Variants in SDK1 observed in about 807,000 individuals in gnomAD.
SDK1 encodes protein sidekick-1.
Under a neutral mutation model 245.5 loss-of-function variants are expected in SDK1, and 157 were observed. That is an observed-to-expected ratio of 0.64 (90% confidence interval 0.56 to 0.73). SDK1 has a LOEUF of 0.73. Ranked by LOEUF, SDK1 falls within the 30% of genes least tolerant of loss-of-function variation. The pLI is 0.00. For synonymous variants in SDK1, 1,647 were observed against 1,278.5 expected (o/e 1.29, Z -6.15); for missense variants, 3,583 against 3,002.3 (o/e 1.19, Z -4.52).
At chr7:3,379,386 A>C (rs550456988) in intron 1 of SDK1, among the ~76,000 whole-genome samples, 4 of 152,240 alleles carry the variant, frequency 2.6e-5, no homozygotes, top group African/African-American at 9.6e-5. Context: ...GTTGCCATGG[A>C]AGTCCACCTG....
intron 20 of SDK1, among the ~76,000 whole-genome samples, chr7:4,074,723 C>A (rs1254814261): frequency 6.6e-6 from 1 of 151,002 alleles, no homozygotes; most frequent in Non-Finnish European, 1.5e-5. Flanking sequence ...ACTTGCCAGG[C>A]ATGGTGGCAC....
At chr7:3,957,704 T>C (rs1401611087) in intron 7 of SDK1, among the ~76,000 whole-genome samples, 1 of 152,172 alleles carries the variant, frequency 6.6e-6, no homozygotes, top group Non-Finnish European at 1.5e-5. Flanking sequence ...ACTGCCTTCA[T>C]GATTATTGAT....
intron 43 of SDK1, among the ~76,000 whole-genome samples, chr7:4,245,303 C>G (rs1219437107): frequency 1.3e-5 from 2 of 152,168 alleles, no homozygotes; most frequent in Non-Finnish European, 1.5e-5. Context: ...TGACTCCATC[C>G]TCATCTCTCT....
At chr7:3,589,610 G>A (rs1780797222) in intron 1 of SDK1, among the ~76,000 whole-genome samples, 1 of 152,196 alleles carries the variant, frequency 6.6e-6, no homozygotes, top group Admixed American at 6.5e-5. Flanking sequence ...CATGGTGGAA[G>A]GCAAAGGAGG....
At chr7:3,310,934 A>G (rs988602678) in intron 1 of SDK1, among the ~76,000 whole-genome samples, 3 of 152,206 alleles carry the variant, frequency 2.0e-5, no homozygotes, top group Non-Finnish European at 4.4e-5. Context: ...GCTGATTGAT[A>G]TGATTGTAGG....
intron 19 of SDK1, 81 bp downstream of exon 19, chr7:4,051,911 G>A: frequency 7.4e-7 from 1 of 1,349,562 alleles, no homozygotes; most frequent in South Asian, 1.4e-5. Context: ...TCAGGCAAGG[G>A]CAGAGGTGGA....
At chr7:3,812,518 T>A (rs375192141) in intron 4 of SDK1, among the ~76,000 whole-genome samples, 1 of 152,220 alleles carries the variant, frequency 6.6e-6, no homozygotes, top group African/African-American at 2.4e-5. Context: ...TTCACATAAA[T>A]TCAATGGAAT....
intron 1 of SDK1, among the ~76,000 whole-genome samples, chr7:3,587,126 G>A (rs1780715822): frequency 6.6e-6 from 1 of 152,146 alleles, no homozygotes; most frequent in South Asian, 2.1e-4. Context: ...CAGAAACAAT[G>A]GCTAAGTCCT....
chr7:3,979,353 C>G (rs1369159831), intron 13 of SDK1, among the ~76,000 whole-genome samples: 3 of 152,224 alleles, frequency 2.0e-5, no homozygotes, highest in Non-Finnish European at 2.9e-5. Flanking sequence ...CCTAACAGCA[C>G]CCTGCCTCCT....
chr7:3,489,092 A>C (rs929691645), intron 1 of SDK1, among the ~76,000 whole-genome samples: 8 of 152,166 alleles, frequency 5.3e-5, no homozygotes, highest in African/African-American at 1.9e-4. Context: ...CTAGCGATAC[A>C]GAGTGGGTAA....
At chr7:3,768,426 T>TA (rs1388857375) in intron 4 of SDK1, among the ~76,000 whole-genome samples, 2 of 152,144 alleles carry the variant, frequency 1.3e-5, no homozygotes, top group Non-Finnish European at 1.5e-5. Context: ...GGAAAATAAA[T>TA]AAAAATCAGT....
intron 4 of SDK1, among the ~76,000 whole-genome samples, chr7:3,734,490 T>C (rs938121816): frequency 1.3e-5 from 2 of 152,250 alleles, no homozygotes; most frequent in Non-Finnish European, 2.9e-5. Context: ...AGGGATGTAC[T>C]TTAGTATTTG....
At chr7:3,586,694 G>C (rs924433824) in intron 1 of SDK1, among the ~76,000 whole-genome samples, 2 of 141,154 alleles carry the variant, frequency 1.4e-5, no homozygotes, top group Non-Finnish European at 3.0e-5. Context: ...GACTGAGCAA[G>C]ACTCCGTCTC....
chr7:4,006,187 T>C (rs539518613), intron 14 of SDK1, among the ~76,000 whole-genome samples: 40 of 152,344 alleles, frequency 2.6e-4, no homozygotes, highest in African/African-American at 9.4e-4. Flanking sequence ...TTTTCAAAGA[T>C]TGGAAACCAC....
intron 35 of SDK1, among the ~76,000 whole-genome samples, chr7:4,203,777 T>A (rs1180320491): frequency 6.6e-6 from 1 of 152,226 alleles, no homozygotes; most frequent in Non-Finnish European, 1.5e-5. Context: ...ACCGACACGC[T>A]TTGCTCAGCG....
intron 1 of SDK1, among the ~76,000 whole-genome samples, chr7:3,596,588 G>A (rs1273020364): frequency 6.6e-6 from 1 of 152,190 alleles, no homozygotes; most frequent in Non-Finnish European, 1.5e-5. Flanking sequence ...ACCCCTGCAA[G>A]TTCCCTCAGG....
intron 1 of SDK1, among the ~76,000 whole-genome samples, chr7:3,398,268 G>C (rs139219050): frequency 1.3e-5 from 2 of 152,166 alleles, no homozygotes; most frequent in Non-Finnish European, 2.9e-5. Context: ...AGCTATTTTA[G>C]TTGTAATCCA....
chr7:3,749,235 C>G (rs1323241565), intron 4 of SDK1, among the ~76,000 whole-genome samples: 1 of 152,152 alleles, frequency 6.6e-6, no homozygotes, highest in Non-Finnish European at 1.5e-5. Flanking sequence ...CTCCTGGTTT[C>G]AAGCAATTCT....
intron 35 of SDK1, 151 bp from the exon 36 acceptor site, chr7:4,205,728 C>T (rs1311387066): frequency 6.0e-6 from 4 of 664,498 alleles, no homozygotes; most frequent in Admixed American, 4.8e-5. Flanking sequence ...TGTCTAAGGC[C>T]TCCTAAGCCA....
Sources: gnomAD v4.1 joint callset for allele counts (sites outside exome capture counted in the v4.1 genomes callset) on GRCh38, gnomAD v4.1.1 for gene constraint, MANE v1.5 for transcripts, NCBI Gene and HGNC (gene_info 2026-07-23, HGNC 2026-07-21) for gene names.